The following ERCC6L2 variants were observed in gnomAD, a reference collection of about 807,000 sequenced individuals.
ERCC6L2 encodes ERCC excision repair 6 like 2.
A neutral mutation model predicts 132.0 loss-of-function variants in ERCC6L2; 77 were observed. The observed-to-expected ratio is 0.58, with a 90% CI of 0.49 to 0.71. The LOEUF is 0.71. Among genes scored for constraint, ERCC6L2 ranks in the 30% least tolerant of loss-of-function variants. The pLI is 0.00. For synonymous variants in ERCC6L2, 583 were observed against 632.4 expected (o/e 0.92, Z 1.17); for missense variants, 1,542 against 1,837.6 (o/e 0.84, Z 2.94).
chr9:95,899,598 A>ATGTGTGTGTGTGTGTG (rs763050798), intron 3 of ERCC6L2, among the ~76,000 whole-genome samples: 1 of 113,212 alleles, frequency 8.8e-6, no homozygotes, highest in African/African-American at 4.1e-5. Flanking sequence ...CTTTATATAT[A>ATGTGTGTGTGTGTGTG]TATGTGTGTG....
intron 12 of ERCC6L2, among the ~76,000 whole-genome samples, chr9:95,942,476 A>G (rs1267214650): frequency 2.6e-5 from 4 of 152,156 alleles, no homozygotes; most frequent in African/African-American, 9.7e-5. Context: ...GCCAAAATAA[A>G]GTGACTCAGT....
intron 18 of ERCC6L2, among the ~76,000 whole-genome samples, chr9:96,008,767 C>T (rs73654809): frequency 0.032 from 4,818 of 152,282 alleles, 271 homozygotes; most frequent in African/African-American, 0.11. Flanking sequence ...GATGTCAAGA[C>T]CCTTGCTAGC....
At chr9:95,907,023 TG>T in intron 3 of ERCC6L2, 54 bp from the exon 4 acceptor site, 1 of 1,256,380 alleles carries the variant, frequency 8.0e-7, no homozygotes, top group African/African-American at 1.5e-5. Context: ...GATTTCACTT[TG>T]GGATTCTTTT....
intron 2 of ERCC6L2, among the ~76,000 whole-genome samples, chr9:95,889,809 A>G (rs1235597345): frequency 6.6e-6 from 1 of 152,184 alleles, no homozygotes; most frequent in Non-Finnish European, 1.5e-5. Flanking sequence ...GTATTTTTAA[A>G]TAGAAAACAT....
At chr9:95,981,764 GA>G (rs1832902982) in intron 17 of ERCC6L2, among the ~76,000 whole-genome samples, 1 of 152,128 alleles carries the variant, frequency 6.6e-6, no homozygotes, top group African/African-American at 2.4e-5. Flanking sequence ...TTTGTGATGT[GA>G]TACCTCCTTT....
chr9:95,970,530 C>T (rs1404276858), intron 14 of ERCC6L2, 46 bp from the exon 15 acceptor site: 2 of 1,192,690 alleles, frequency 1.7e-6, no homozygotes, highest in Non-Finnish European at 2.2e-6. Flanking sequence ...TGTTGCTACC[C>T]CCTGTGTTGC....
chr9:96,012,208 G>C lies in ERCC6L2; in HGVS notation c.3675-17G>C. 6 of 1,216,102 alleles carry C rather than the reference G, an allele frequency of 4.9e-6. No homozygotes were observed. Among genetic ancestry groups the C allele is most frequent in the Non-Finnish European group, 6.4e-6 (6 of 943,338 alleles). The allele number at this position is 1,216,102 out of a possible 1,614,324, so 75.3% of individuals were successfully genotyped here. A position where few individuals can be genotyped will look rare whatever the true frequency, so the allele number is the denominator to read the frequency against. The stretch of plus-strand genomic sequence containing the variant: ...TGTAATGAAAATAACCACTAGTTTT[G>C]TTCATTTAATCTTTAGAAAACAATT... On this transcript the variant is annotated splice_polypyrimidine_tract_variant and intron_variant, in intron 18 of 18. Transcript: ENST00000653738.
intron 19 of ERCC6L2, among the ~76,000 whole-genome samples, chr9:96,031,890 A>G (rs750246514): frequency 1.2e-4 from 19 of 152,340 alleles, no homozygotes; most frequent in Non-Finnish European, 1.9e-4. Context: ...GAGTCCGTGT[A>G]AACAGCAAAC....
At chr9:96,019,577 C>CTG (rs1221186215), downstream of ERCC6L2, among the ~76,000 whole-genome samples, 1 of 152,206 alleles carries the variant, frequency 6.6e-6, no homozygotes, top group African/African-American at 2.4e-5. Context: ...GACCTGCCCA[C>CTG]TGTTGCCTGA....
At chr9:95,969,129 G>A (rs1832296285) in intron 14 of ERCC6L2, among the ~76,000 whole-genome samples, 1 of 152,124 alleles carries the variant, frequency 6.6e-6, no homozygotes, top group Non-Finnish European at 1.5e-5. Flanking sequence ...CAATGTCAGG[G>A]AGGCCAGAGT....
At chr9:96,004,804 T>C (rs1833811687) in intron 18 of ERCC6L2, 103 bp downstream of exon 18, 1 of 726,182 alleles carries the variant, frequency 1.4e-6, no homozygotes, top group African/African-American at 1.9e-5. Context: ...ATAACTGACA[T>C]CTGAATATTT....
At chr9:95,933,557 A>G (rs944088221) in intron 11 of ERCC6L2, among the ~76,000 whole-genome samples, 1 of 152,188 alleles carries the variant, frequency 6.6e-6, no homozygotes. Context: ...AGAAGTCTTC[A>G]GAACAGGCCA....
chr9:95,942,174 A>G (rs147255236), intron 12 of ERCC6L2, among the ~76,000 whole-genome samples: 65 of 152,310 alleles, frequency 4.3e-4, no homozygotes, highest in Non-Finnish European at 7.5e-4. Context: ...GAACCAGATC[A>G]TAAAGCCAGA....
intron 4 of ERCC6L2, among the ~76,000 whole-genome samples, chr9:95,907,857 C>CACACACACACACACACA: frequency 1.6e-3 from 220 of 133,806 alleles, no homozygotes; most frequent in African/African-American, 2.6e-3. Context: ...ACACACACAC[C>CACACACACACACACACA]CCCACACCCA....
At chr9:96,020,801 G>A, downstream of ERCC6L2, 2 of 456,786 alleles carry the variant, frequency 4.4e-6, no homozygotes, top group South Asian at 3.1e-5. Flanking sequence ...TGGGAAGGCA[G>A]AACACCCCTT....
At chr9:95,887,372 A>C (rs1827926716) in intron 2 of ERCC6L2, among the ~76,000 whole-genome samples, 1 of 152,238 alleles carries the variant, frequency 6.6e-6, no homozygotes, top group Non-Finnish European at 1.5e-5. Flanking sequence ...GGTTTATCAC[A>C]AGAGAAGAGC....
At chr9:95,952,067 C>T (rs1040562015) in intron 12 of ERCC6L2, among the ~76,000 whole-genome samples, 1 of 146,338 alleles carries the variant, frequency 6.8e-6, no homozygotes, top group Non-Finnish European at 1.5e-5. Flanking sequence ...ACTCGGGAGG[C>T]TGAGGCAGGA....
intron 2 of ERCC6L2, among the ~76,000 whole-genome samples, chr9:95,883,636 G>A (rs775668393): frequency 2.6e-5 from 4 of 152,222 alleles, no homozygotes; most frequent in African/African-American, 9.6e-5. Context: ...CAAGGCGGGC[G>A]GATCACGAGG....
intron 9 of ERCC6L2, among the ~76,000 whole-genome samples, chr9:95,927,449 GT>G (rs1375624548): frequency 6.6e-6 from 1 of 152,118 alleles, no homozygotes; most frequent in Non-Finnish European, 1.5e-5. Flanking sequence ...CAGTGTGACT[GT>G]TATACACAAG....
Sources: allele counts gnomAD v4.1 joint callset (sites outside exome capture counted in the v4.1 genomes callset), GRCh38; gene constraint gnomAD v4.1.1; transcripts MANE v1.5; gene names NCBI Gene and HGNC (gene_info 2026-07-23, HGNC 2026-07-21).